The following CCDC181 variants were observed in gnomAD, a reference collection of about 807,000 sequenced individuals.
The protein encoded by CCDC181 is coiled-coil domain containing 181.
In CCDC181, 35 loss-of-function variants were observed where a neutral mutation model predicts 58.7. The observed-to-expected ratio is 0.60, with a 90% CI of 0.46 to 0.79. The LOEUF is 0.79. Among genes scored for constraint, CCDC181 ranks in the 30% least tolerant of loss-of-function variants. The pLI is 0.00. For synonymous variants in CCDC181, 183 were observed against 197.5 expected, an observed-to-expected ratio of 0.93 and a Z score of 0.62; for missense variants, 517 against 583.9, an observed-to-expected ratio of 0.89 and a Z score of 1.18.
intron 2 of CCDC181, among the ~76,000 whole-genome samples, chr1:169,444,985 T>G (rs1393513392): frequency 6.6e-6 from 1 of 152,140 alleles, no homozygotes; most frequent in East Asian, 1.9e-4. Flanking sequence ...TTACCTTACT[T>G]CCAAGGTCCT....
At position 169,427,472 on chromosome 1, in the gene CCDC181, A is replaced by C. The variant is rs930402184; in HGVS notation, c.-208T>G. On this transcript the variant is annotated 5_prime_UTR_variant, in exon 1 of 6. Coordinates refer to ENST00000367806, the MANE Select transcript of CCDC181 (RefSeq NM_001300969.2). ...CCATCCGGGCCTCTCTAACTACGAG[A>C]GCGACAAAAATCTGCGCAGGCGCAT... 6 of 152,346 alleles carry C rather than the reference A, an allele frequency of 3.9e-5. No homozygotes were observed. Among genetic ancestry groups the C allele is most frequent in the African/African-American group, 4.8e-5 (2 of 41,572 alleles). The allele number at this position is 152,346 out of a possible 1,614,324, so 9.4% of individuals were successfully genotyped here.
chr1:169,403,051 C>A (rs12049227), intron 4 of CCDC181, among the ~76,000 whole-genome samples: 18,301 of 149,930 alleles, frequency 0.12, 1,159 homozygotes, highest in Admixed American at 0.14. Context: ...CAACAAAGAT[C>A]AAAAGATACA....
chr1:169,446,194 C>G (rs948108513), intron 2 of CCDC181, among the ~76,000 whole-genome samples: 2 of 152,086 alleles, frequency 1.3e-5, no homozygotes, highest in African/African-American at 4.8e-5. Flanking sequence ...ACCTATAATC[C>G]CAGCACTTTG....
At chr1:169,410,531 A>C (rs549639081) in intron 4 of CCDC181, among the ~76,000 whole-genome samples, 2 of 152,330 alleles carry the variant, frequency 1.3e-5, no homozygotes, top group East Asian at 1.9e-4. Flanking sequence ...TCAGCTCTGG[A>C]CCAAGCGGAC....
At chr1:169,414,525 C>T (rs1346013687) in intron 4 of CCDC181, among the ~76,000 whole-genome samples, 1 of 152,050 alleles carries the variant, frequency 6.6e-6, no homozygotes, top group Non-Finnish European at 1.5e-5. Flanking sequence ...TATACAAGTA[C>T]CCATGGACGG....
chr1:169,429,697 G>T (rs1364448493), upstream of CCDC181, among the ~76,000 whole-genome samples: 3 of 152,124 alleles, frequency 2.0e-5, no homozygotes, highest in Non-Finnish European at 1.5e-5. Flanking sequence ...GAAGATTGTG[G>T]ATATTAGTCC....
At position 169,424,886 on chromosome 1, in the gene CCDC181, T is replaced by A. The variant is rs773167593; in HGVS notation, c.42A>T (p.Glu14Asp). 2 of 1,605,364 alleles carry A rather than the reference T, an allele frequency of 1.2e-6. No homozygotes were observed. The highest frequency in any genetic ancestry group is 3.4e-5 in the Admixed American group (2 of 59,564). The change falls in exon 2 of 6, where the codon GAA becomes GAT. Residue 14 changes from glutamate (E) to aspartate (D), a missense_variant. By Grantham distance (45) the Glu-to-Asp change is conservative. Transcript: ENST00000367806. The stretch of plus-strand genomic sequence containing the variant: ...GGTCCTTTTCAAAGTCATCTTCGTA[T>A]TCTTCACTTTTCTTTGAATCAGTAT... ...NKDTDSKKSE[E>D]YEDDFEKDLE... is the part of the protein sequence containing the mutation.
At chr1:169,418,739 T>C (rs1656325318) in intron 4 of CCDC181, 4 of 467,194 alleles carry the variant, frequency 8.6e-6, no homozygotes, top group Admixed American at 3.9e-5. Context: ...TTTGCCCTGT[T>C]TGAATAACAA....
chr1:169,449,077 T>C (rs1657461485), intron 2 of CCDC181, among the ~76,000 whole-genome samples: 1 of 152,224 alleles, frequency 6.6e-6, no homozygotes. Flanking sequence ...TCTATATTTT[T>C]CCACTAGAAC....
At chr1:169,434,045 A>G (rs1346495160) in intron 2 of CCDC181, among the ~76,000 whole-genome samples, 1 of 152,024 alleles carries the variant, frequency 6.6e-6, no homozygotes, top group Admixed American at 6.6e-5. Flanking sequence ...GTTCATAGGT[A>G]TCCAAGGTAT....
intron 2 of CCDC181, among the ~76,000 whole-genome samples, chr1:169,458,175 G>T (rs12564634): frequency 0.02 from 2,515 of 126,554 alleles, 38 homozygotes; most frequent in East Asian, 0.045. Context: ...AGTAATTTTT[G>T]TTTTTTTTTT....
Position 169,421,580 on chromosome 1 carries a change from G to A in CCDC181, c.851C>T (p.Thr284Ile), listed in dbSNP as rs1351967090. 3.4e-5 allele frequency: 55 copies of A among 1,614,034 alleles called. No individual in the cohort carries two copies. Among genetic ancestry groups the A allele is most frequent in the Non-Finnish European group, 4.5e-5 (53 of 1,180,032 alleles). Residue 284 changes from threonine (T) to isoleucine (I), a missense_variant, in exon 3 of 6, where the codon ACA (threonine) becomes ATA (isoleucine). Coordinates refer to ENST00000367806, the MANE Select transcript of CCDC181 (RefSeq NM_001300969.2). ...AGCGATATAAGCCAGCGGCTCTCCT[G>A]TTGATGAGTGAGTGACAGCATGAAT... ...AKIHAVTHSS[T>I]GEPLAYIAQP...
chr1:169,424,942 G>A lies in CCDC181; in HGVS notation c.-15C>T. 7.0e-7 allele frequency: 1 copy of A among 1,436,754 alleles called. No individual in the cohort carries two copies. Among genetic ancestry groups the A allele is most frequent in the South Asian group, 1.2e-5 (1 of 86,408 alleles). 89.0% of individuals were successfully genotyped at this position (1,436,754 alleles called of 1,614,324 possible). A position where few individuals can be genotyped will look rare whatever the true frequency, so the allele number is the denominator to read the frequency against. The stretch of plus-strand genomic sequence containing the variant: ...TTTTCATTCATTTTCTGTTTGTGAA[G>A]GAAATATGCTGTAAGATTTTAAAAG... On this transcript the variant is annotated 5_prime_UTR_variant, in exon 2 of 6. Transcript: ENST00000367806.
rs1657283285 is a variant in CCDC181, at chr1:169,443,204, T to G, written c.-24+16593A>C. The stretch of plus-strand genomic sequence containing the variant: ...TTCTAGCTTGTATTCCAGAAATACA[T>G]TTCTTAAAACAAGTGCTCTAAGGAA... On this transcript the variant is annotated intron_variant, in intron 2 of 6. Coordinates refer to the CCDC181 transcript ENST00000545005. 4 of 152,032 alleles carry G rather than the reference T, an allele frequency of 2.6e-5. 1 individual carries two copies. The highest frequency in any genetic ancestry group is 2.6e-4 in the Admixed American group (4 of 15,248). 9.4% of individuals were successfully genotyped at this position (152,032 alleles called of 1,614,324 possible).
chr1:169,444,474 G>A (rs938829362), intron 2 of CCDC181, among the ~76,000 whole-genome samples: 3 of 152,100 alleles, frequency 2.0e-5, no homozygotes, highest in African/African-American at 7.2e-5. Flanking sequence ...GTCCAGACAC[G>A]TTCCTAATGG....
chr1:169,419,022 C>G lies in CCDC181; in HGVS notation c.1206G>C (p.Met402Ile). 3 of 1,612,576 alleles carry G rather than the reference C, an allele frequency of 1.9e-6. No homozygotes were observed. The highest frequency in any genetic ancestry group is 2.5e-6 in the Non-Finnish European group (3 of 1,179,224). ...GAGAAGTTTTACTTACTCTACTGTT[C>G]ATGTCTTCAATTTCCTTTGCTCGCT... ...RIQRAKEIED[M>I]NSRQENRDPQ... Residue 402 changes from methionine to isoleucine, a missense_variant, in exon 4 of 6, where the codon ATG (methionine) becomes ATC (isoleucine). Coordinates refer to ENST00000367806, the MANE Select transcript of CCDC181 (RefSeq NM_001300969.2).
rs1216892874 is a variant in CCDC181 at position 169,438,972 on chromosome 1, A to G, written c.-23-14022T>C. On this transcript the variant is annotated intron_variant, in intron 2 of 6. Transcript: ENST00000545005. ...ACTATCCTCCTATTCTCCATCTGAGAAATCTCCCTGAAATCTTCCTGATGG... is the reference window on the plus strand; with the variant it reads ...ACTATCCTCCTATTCTCCATCTGAGGAATCTCCCTGAAATCTTCCTGATGG... Among the ~76,000 whole-genome samples, 5 of 152,166 alleles carry G rather than the reference A, an allele frequency of 3.3e-5. No individual in the cohort carries two copies. In the East Asian group the frequency reaches 9.6e-4, roughly 29 times the overall value.
At chr1:169,446,724 A>G (rs1277633781) in intron 2 of CCDC181, among the ~76,000 whole-genome samples, 1 of 152,232 alleles carries the variant, frequency 6.6e-6, no homozygotes, top group African/African-American at 2.4e-5. Flanking sequence ...AGATGATTTA[A>G]AGTTTACAGA....
upstream of CCDC181, among the ~76,000 whole-genome samples, chr1:169,430,665 T>C (rs1428036489): frequency 1.2e-5 from 1 of 82,816 alleles, no homozygotes; most frequent in African/African-American, 4.0e-5. Context: ...GAACAAAGAA[T>C]TGGAAAAAAA....
Sources: allele counts gnomAD v4.1 joint callset (sites outside exome capture counted in the v4.1 genomes callset), GRCh38; gene constraint gnomAD v4.1.1; transcripts MANE v1.5; gene names NCBI Gene and HGNC (gene_info 2026-07-23, HGNC 2026-07-21).